Variants in CHD1L observed in about 807,000 individuals in gnomAD.
CHD1L encodes chromodomain helicase DNA binding protein 1 like.
A neutral mutation model predicts 115.9 loss-of-function variants in CHD1L; 118 were observed. That is an observed-to-expected ratio of 1.02 (90% CI 0.88 to 1.19). The LOEUF is 1.19. Among genes scored for constraint, CHD1L ranks in the 50% most tolerant of loss-of-function variants. The pLI is 0.00. For synonymous variants in CHD1L, 411 were observed against 387.1 expected (o/e 1.06, Z -0.72); for missense variants, 1,179 against 1,065.3 (o/e 1.11, Z -1.49).
At chr1:147,255,416 C>G (rs587731095) in intron 3 of CHD1L, among the ~76,000 whole-genome samples, 1 of 151,908 alleles carries the variant, frequency 6.6e-6, no homozygotes, top group Non-Finnish European at 1.5e-5. Flanking sequence ...TAGTAGAGAC[C>G]GGGTTTCTCC....
intron 19 of CHD1L, among the ~76,000 whole-genome samples, chr1:147,291,139 AT>A (rs1395559947): frequency 4.6e-5 from 7 of 152,308 alleles, no homozygotes; most frequent in Non-Finnish European, 7.3e-5. Flanking sequence ...AATTTGAATG[AT>A]TTAGGACAAG....
At chr1:147,187,046 T>C in the CHD1L span, 1 of 1,614,146 alleles carries the variant, frequency 6.2e-7, no homozygotes, top group Non-Finnish European at 8.5e-7. Flanking sequence ...AGGATAGCTT[T>C]TCGAGCCCCA....
chr1:147,236,437 A>C, the CHD1L span, among the ~76,000 whole-genome samples: 2 of 152,200 alleles, frequency 1.3e-5, no homozygotes, highest in Non-Finnish European at 2.9e-5. Context: ...TCCAAGTAGA[A>C]TGATGTAAGT....
the CHD1L span, among the ~76,000 whole-genome samples, chr1:147,193,233 C>T: frequency 0.012 from 1,784 of 152,164 alleles, 15 homozygotes; most frequent in African/African-American, 0.021. Flanking sequence ...CTGGTTTAGT[C>T]TTGGGAGGGT....
the CHD1L span, among the ~76,000 whole-genome samples, chr1:147,177,484 C>G: frequency 6.6e-6 from 1 of 152,062 alleles, no homozygotes; most frequent in African/African-American, 2.4e-5. Flanking sequence ...AAGCATGAGT[C>G]AAGCCTAGTA....
chr1:147,203,271 A>G, the CHD1L span: 4 of 1,555,122 alleles, frequency 2.6e-6, no homozygotes, highest in South Asian at 1.2e-5. Context: ...AATTAAGCCA[A>G]TTTCAATCAT....
the CHD1L span, among the ~76,000 whole-genome samples, chr1:147,213,721 C>T: frequency 0.093 from 14,090 of 152,164 alleles, 734 homozygotes; most frequent in African/African-American, 0.15. Context: ...TGCAAGTCAC[C>T]AGGTCTCTTG....
At chr1:147,204,602 G>C in the CHD1L span, 52 of 1,593,482 alleles carry the variant, frequency 3.3e-5, no homozygotes, top group African/African-American at 6.8e-4. Flanking sequence ...AATTCCAGGA[G>C]AGCTCCGGCA....
At chr1:147,210,856 T>C in the CHD1L span, 1 of 152,134 alleles carries the variant, frequency 6.6e-6, no homozygotes, top group East Asian at 1.9e-4. Flanking sequence ...ATAAGGAAAA[T>C]TGTTTAATCA....
At chr1:147,178,495 C>T in the CHD1L span, 211 of 1,611,596 alleles carry the variant, frequency 1.3e-4, no homozygotes, top group East Asian at 3.8e-3. Flanking sequence ...TGTCAGCCAC[C>T]TGAAGAAGCA....
At chr1:147,251,341 G>T (rs1461659128) in intron 1 of CHD1L, among the ~76,000 whole-genome samples, 1 of 152,134 alleles carries the variant, frequency 6.6e-6, no homozygotes, top group Non-Finnish European at 1.5e-5. Context: ...ACACCTTTCA[G>T]AGTTTTATGC....
At chr1:147,201,262 G>A in the CHD1L span, 1 of 1,614,154 alleles carries the variant, frequency 6.2e-7, no homozygotes, top group Non-Finnish European at 8.5e-7. Context: ...CAGGTTAGGA[G>A]GGAAGACCTT....
the CHD1L span, chr1:147,184,439 A>G: frequency 7.2e-7 from 1 of 1,394,300 alleles, no homozygotes; most frequent in Non-Finnish European, 9.3e-7. The surrounding 1 kb of genome is among the most constrained non-coding windows in gnomAD (Gnocchi z 4.4). Flanking sequence ...TTTTACTTAA[A>G]GTTCTTTTTC....
chr1:147,265,811 G>A (rs1571854129), intron 7 of CHD1L, 121 bp from the exon 8 acceptor site: 1 of 805,338 alleles, frequency 1.2e-6, no homozygotes, highest in Non-Finnish European at 1.9e-6. Flanking sequence ...GATCATACTG[G>A]CCTAGAATGC....
the CHD1L span, among the ~76,000 whole-genome samples, chr1:147,212,704 C>G: frequency 6.6e-6 from 1 of 151,972 alleles, no homozygotes; most frequent in African/African-American, 2.4e-5. Context: ...TTTTCTTTTC[C>G]CATAGCCTCA....
chr1:147,293,527 T>C, intron 20 of CHD1L, 81 bp from the exon 21 acceptor site: 1 of 1,134,718 alleles, frequency 8.8e-7, no homozygotes, highest in Non-Finnish European at 1.3e-6. Context: ...CATCAAGGGC[T>C]GTGCCGCCTC....
intron 21 of CHD1L, among the ~76,000 whole-genome samples, chr1:147,293,938 C>G (rs587718548): frequency 6.6e-6 from 1 of 152,038 alleles, no homozygotes; most frequent in South Asian, 2.1e-4. Context: ...GTCTCCATCC[C>G]CCGGGTATTT....
rs1553942782 is a variant in CHD1L, at chr1:147,259,859, G to C, written c.517G>C (p.Val173Leu). 6.2e-7 allele frequency: 1 copy of C among 1,613,842 alleles called. No individual in the cohort carries two copies. The highest frequency in any genetic ancestry group is 2.2e-5 in the East Asian group (1 of 44,870). Residue 173 changes from valine to leucine, a missense_variant, in exon 6 of 23, where the codon GTG becomes CTG. Physicochemically the swap from Val to Leu is conservative, Grantham distance 32. Transcript: ENST00000369258. ...LKSFPWSVLV[V>L]DEAHRLKNQS... ...CAGATTCCCTTGGAGTGTTCTTGTT[G>C]TGGATGAAGCTCACAGGTTGAAAAA...
chr1:147,203,382 A>T, the CHD1L span: 1 of 1,074,556 alleles, frequency 9.3e-7, no homozygotes, highest in African/African-American at 1.5e-5. Context: ...TGACTGCAGC[A>T]TTAGCAGCGA....
Sources: gnomAD v4.1 joint callset for allele counts (sites outside exome capture counted in the v4.1 genomes callset) on GRCh38, gnomAD v4.1.1 for gene constraint, Gnocchi (gnomAD v3.1) non-coding constraint, MANE v1.5 for transcripts, NCBI Gene and HGNC (gene_info 2026-07-23, HGNC 2026-07-21) for gene names.